NBAS: variants seen among roughly 807,000 people sequenced by gnomAD.
NBAS encodes the protein NBAS subunit of NRZ tethering complex.
A neutral mutation model predicts 302.5 loss-of-function variants in NBAS; 219 were observed. The observed-to-expected ratio is 0.72, with a 90% CI of 0.65 to 0.81. The LOEUF is 0.81. NBAS is among the 30% of genes least tolerant of loss of function. The pLI is 0.00. For missense variants in NBAS, 2,932 were observed against 2,841.6 expected (o/e 1.03, Z -0.72); for synonymous variants, 1,118 against 1,021.6 (o/e 1.09, Z -1.80).
the NBAS span, among the ~76,000 whole-genome samples, chr2:14,869,425 G>A: frequency 2.6e-5 from 4 of 152,282 alleles, no homozygotes; most frequent in South Asian, 2.1e-4. Flanking sequence ...GTTACTCATC[G>A]TGGTACCGGA....
At chr2:15,002,304 A>G in the NBAS span, among the ~76,000 whole-genome samples, 3 of 152,274 alleles carry the variant, frequency 2.0e-5, no homozygotes, top group East Asian at 5.8e-4. Flanking sequence ...GCCCCACCAG[A>G]GTAGCTAGAT....
the NBAS span, among the ~76,000 whole-genome samples, chr2:14,921,475 T>C: frequency 6.6e-6 from 1 of 152,090 alleles, no homozygotes; most frequent in East Asian, 1.9e-4. Context: ...GCCACAAACA[T>C]CTAAAAGTTT....
chr2:14,969,698 G>A, the NBAS span, among the ~76,000 whole-genome samples: 1 of 152,088 alleles, frequency 6.6e-6, no homozygotes, highest in South Asian at 2.1e-4. Context: ...TTTTTTAAAT[G>A]CAGTGGAGAA....
the NBAS span, among the ~76,000 whole-genome samples, chr2:14,840,527 G>A: frequency 6.6e-6 from 1 of 151,938 alleles, no homozygotes; most frequent in South Asian, 2.1e-4. Flanking sequence ...TAAAAGCAGC[G>A]AGAGAAAAGA....
the NBAS span, among the ~76,000 whole-genome samples, chr2:15,035,692 A>C: frequency 0.8 from 122,216 of 152,040 alleles, 49,662 homozygotes; most frequent in East Asian, 1. Context: ...CTTTGCAGGG[A>C]CATGGATGGA....
the NBAS span, among the ~76,000 whole-genome samples, chr2:14,901,353 A>T: frequency 6.6e-6 from 1 of 152,174 alleles, no homozygotes; most frequent in Non-Finnish European, 1.5e-5. Flanking sequence ...AGTTTAAAGG[A>T]GTTTAGTAAT....
downstream of NBAS, among the ~76,000 whole-genome samples, chr2:15,165,599 T>C (rs542696004): frequency 6.6e-6 from 1 of 152,210 alleles, no homozygotes; most frequent in African/African-American, 2.4e-5. Flanking sequence ...TGATAAACTA[T>C]AAGGCGAAGC....
the NBAS span, among the ~76,000 whole-genome samples, chr2:15,091,611 C>A: frequency 2.6e-5 from 4 of 151,424 alleles, no homozygotes; most frequent in African/African-American, 9.7e-5. Flanking sequence ...AGGATCACTG[C>A]AACCTCCACT....
intron 44 of NBAS, among the ~76,000 whole-genome samples, chr2:15,264,180 G>T (rs1312775256): frequency 6.6e-6 from 1 of 152,204 alleles, no homozygotes; most frequent in Non-Finnish European, 1.5e-5. Context: ...GAGCACTGTA[G>T]TAGGGAGGTT....
intron 21 of NBAS, among the ~76,000 whole-genome samples, chr2:15,455,996 C>G (rs1679234104): frequency 6.6e-6 from 1 of 152,034 alleles, no homozygotes; most frequent in Non-Finnish European, 1.5e-5. Flanking sequence ...TGGAAGCTAA[C>G]AAAGACTGCA....
the NBAS span, among the ~76,000 whole-genome samples, chr2:14,813,934 C>T: frequency 2.6e-5 from 4 of 152,310 alleles, no homozygotes; most frequent in South Asian, 2.1e-4. Context: ...TTCGAAGCAG[C>T]CTTGAGACGT....
At chr2:14,879,551 C>T in the NBAS span, among the ~76,000 whole-genome samples, 3 of 151,916 alleles carry the variant, frequency 2.0e-5, no homozygotes, top group African/African-American at 7.3e-5. Context: ...AAAATATAAA[C>T]AGATTACAAA....
At chr2:15,443,653 G>A (rs1195148393) in intron 21 of NBAS, among the ~76,000 whole-genome samples, 2 of 150,410 alleles carry the variant, frequency 1.3e-5, no homozygotes, top group Non-Finnish European at 3.0e-5. Context: ...TTCTGGCCAG[G>A]GCAATTAGGC....
intron 44 of NBAS, among the ~76,000 whole-genome samples, chr2:15,260,489 G>A (rs539342387): frequency 6.6e-6 from 1 of 152,160 alleles, no homozygotes; most frequent in East Asian, 1.9e-4. Flanking sequence ...TTAAGCTTCT[G>A]AGTGACCCAA....
At chr2:15,231,270 A>G (rs1667372216) in intron 47 of NBAS, among the ~76,000 whole-genome samples, 1 of 152,222 alleles carries the variant, frequency 6.6e-6, no homozygotes, top group African/African-American at 2.4e-5. Flanking sequence ...GTTTAGAAAC[A>G]CTGTGCAAGG....
intron 44 of NBAS, among the ~76,000 whole-genome samples, chr2:15,273,052 C>T (rs1669401097): frequency 1.3e-5 from 2 of 152,272 alleles, no homozygotes; most frequent in South Asian, 2.1e-4. Flanking sequence ...CCTCTACACA[C>T]ACGCTCACGA....
At chr2:15,259,299 C>G (rs1440667305) in intron 44 of NBAS, among the ~76,000 whole-genome samples, 1 of 152,180 alleles carries the variant, frequency 6.6e-6, no homozygotes, top group Non-Finnish European at 1.5e-5. Flanking sequence ...TACACAAACT[C>G]TCCACACAAA....
chr2:14,963,529 G>T, the NBAS span, among the ~76,000 whole-genome samples: 4 of 152,204 alleles, frequency 2.6e-5, no homozygotes, highest in African/African-American at 9.7e-5. Flanking sequence ...AAAGGAAAGA[G>T]AACTGGAAGG....
intron 44 of NBAS, among the ~76,000 whole-genome samples, chr2:15,246,738 C>T (rs1668110711): frequency 6.6e-6 from 1 of 152,248 alleles, no homozygotes; most frequent in Non-Finnish European, 1.5e-5. Context: ...CGGCATCAAG[C>T]TACTGATGGC....
Sources: gnomAD v4.1 joint callset for allele counts (sites outside exome capture counted in the v4.1 genomes callset) on GRCh38, gnomAD v4.1.1 for gene constraint, MANE v1.5 for transcripts, NCBI Gene and HGNC (gene_info 2026-07-23, HGNC 2026-07-21) for gene names.